Variants in EMB observed in about 807,000 individuals in gnomAD.
The protein encoded by EMB is embigin.
A neutral mutation model predicts 41.4 loss-of-function variants in EMB; 31 were observed. The ratio of observed to expected loss-of-function variants is 0.75; its 90% confidence interval spans 0.56 to 1.01. EMB has a LOEUF of 1.01. EMB is among the 50% of genes least tolerant of loss of function. EMB has a pLI of 0.00. For missense variants in EMB, 379 were observed against 388.3 expected, an observed-to-expected ratio of 0.98 and a Z score of 0.20; for synonymous variants, 137 against 140.4, an observed-to-expected ratio of 0.98 and a Z score of 0.17.
chr5:50,423,781 AGGCCC>A (rs1745564893), intron 2 of EMB, among the ~76,000 whole-genome samples: 1 of 152,206 alleles, frequency 6.6e-6, no homozygotes, highest in Non-Finnish European at 1.5e-5. Context: ...TGTTGAGGAC[AGGCCC>A]ACGTCTTTAA....
At chr5:50,422,857 T>A (rs1005197137) in intron 2 of EMB, among the ~76,000 whole-genome samples, 1 of 152,156 alleles carries the variant, frequency 6.6e-6, no homozygotes. Context: ...AGGGGCCAAC[T>A]GTCAAGATGT....
At position 50,441,051 on chromosome 5, in the gene EMB, C is replaced by A. The variant is rs767903806; in HGVS notation, c.101G>T (p.Gly34Val). The A allele has an allele frequency of 3.7e-5, 56 of 1,508,754 alleles. No individual in the cohort carries two copies. Among genetic ancestry groups the A allele is most frequent in the Non-Finnish European group, 5.0e-5 (56 of 1,129,024 alleles). The allele number at this position is 1,508,754 out of a possible 1,614,324, so 93.5% of individuals were successfully genotyped here. A position where few individuals can be genotyped will look rare whatever the true frequency, so the allele number is the denominator to read the frequency against. ...TGTACCCATCACACCTGGGGCACTGCCGTCCGCCGAGCTTGGGCGCGCGGC... is the reference window on the plus strand; with the variant it reads ...TGTACCCATCACACCTGGGGCACTGACGTCCGCCGAGCTTGGGCGCGCGGC... ...LAAARPSSADGSAPDSPFTSP... is the reference protein window; with the variant it reads ...LAAARPSSADVSAPDSPFTSP... Residue 34 changes from glycine (G) to valine (V), a missense_variant, in exon 1 of 9, where the codon GGC (glycine) becomes GTC (valine). Transcript: ENST00000303221.
intron 1 of EMB, among the ~76,000 whole-genome samples, chr5:50,440,185 G>A (rs114399247): frequency 0.01 from 1,563 of 152,202 alleles, 30 homozygotes; most frequent in African/African-American, 0.036. Context: ...CCTGTAAGTT[G>A]TGGATCTTTG....
intron 2 of EMB, among the ~76,000 whole-genome samples, chr5:50,422,745 C>T (rs1745545134): frequency 6.6e-6 from 1 of 152,112 alleles, no homozygotes; most frequent in African/African-American, 2.4e-5. Context: ...AAAATATTCG[C>T]AACTTCTATA....
intron 2 of EMB, among the ~76,000 whole-genome samples, chr5:50,419,725 C>G (rs1745486981): frequency 6.6e-6 from 1 of 152,142 alleles, no homozygotes; most frequent in Non-Finnish European, 1.5e-5. Flanking sequence ...GTGACACATG[C>G]ACACGTATGT....
Position 50,428,124 on chromosome 5 carries a change from T to C in EMB, c.196+20A>G. 6.5e-7 allele frequency: 1 copy of C among 1,547,124 alleles called. No homozygotes were observed. The highest frequency in any genetic ancestry group is 8.8e-7 in the Non-Finnish European group (1 of 1,130,854). ...AACCCTTTTTTTCGAATTGCATTAT[T>C]TGAAACATGATACATTTACCAGTCA... On this transcript the variant is annotated intron_variant, in intron 2 of 8. Transcript: ENST00000303221.
chr5:50,414,887 G>GC (rs1745403907), intron 2 of EMB, among the ~76,000 whole-genome samples: 1 of 152,082 alleles, frequency 6.6e-6, no homozygotes, highest in Non-Finnish European at 1.5e-5. Flanking sequence ...AAATGTTGGT[G>GC]CCCATCAGGA....
At chr5:50,421,565 C>A (rs1259082348) in intron 2 of EMB, among the ~76,000 whole-genome samples, 3 of 152,016 alleles carry the variant, frequency 2.0e-5, no homozygotes, top group African/African-American at 4.8e-5. Flanking sequence ...AAAGGATTAT[C>A]AATCATGCTT....
rs1191029952 is a variant in EMB at position 50,409,229 on chromosome 5, A to C, written c.472+1648T>G. The stretch of plus-strand genomic sequence containing the variant: ...TGCAATTCAATGTATTGGTATGTTG[A>C]AAAGTAAAATGCTTGTTAATCTTCA... On this transcript the variant is annotated intron_variant, in intron 4 of 8. Coordinates refer to ENST00000303221, the MANE Select transcript of EMB (RefSeq NM_198449.3). Among the ~76,000 whole-genome samples the C allele has an allele frequency of 2.0e-5, 3 of 152,108 alleles. No individual in the cohort carries two copies. In the East Asian group the frequency reaches 5.8e-4, roughly 29 times the overall value.
chr5:50,424,501 T>C (rs528853261), intron 2 of EMB, among the ~76,000 whole-genome samples: 1 of 152,138 alleles, frequency 6.6e-6, no homozygotes, highest in Admixed American at 6.5e-5. Context: ...ACTTACAGAG[T>C]GTGAGGTCCT....
At chr5:50,420,914 T>A (rs1315770657) in intron 2 of EMB, among the ~76,000 whole-genome samples, 1 of 152,190 alleles carries the variant, frequency 6.6e-6, no homozygotes, top group Non-Finnish European at 1.5e-5. Context: ...GCATAAGAAG[T>A]TCTTGTCTCA....
At chr5:50,416,631 AC>A (rs1745435401) in intron 2 of EMB, among the ~76,000 whole-genome samples, 1 of 152,156 alleles carries the variant, frequency 6.6e-6, no homozygotes, top group Non-Finnish European at 1.5e-5. Context: ...GACATATACG[AC>A]GGATTCGATG....
intron 2 of EMB, among the ~76,000 whole-genome samples, chr5:50,419,431 T>C (rs1745479761): frequency 1.3e-5 from 2 of 152,130 alleles, no homozygotes; most frequent in Non-Finnish European, 2.9e-5. Context: ...ACAAGAACCA[T>C]TTAAATTTTG....
intron 6 of EMB, 124 bp from the exon 7 acceptor site, chr5:50,402,443 G>T: frequency 1.2e-6 from 1 of 855,768 alleles, no homozygotes; most frequent in East Asian, 2.6e-5. Flanking sequence ...TTGGAATGAA[G>T]GAGAGACATG....
At chr5:50,421,178 G>C (rs1434511742) in intron 2 of EMB, among the ~76,000 whole-genome samples, 1 of 152,098 alleles carries the variant, frequency 6.6e-6, no homozygotes, top group Non-Finnish European at 1.5e-5. Flanking sequence ...CAAATTCCAA[G>C]AGTATTTTTT....
chr5:50,436,107 A>C (rs1398191533), intron 1 of EMB, among the ~76,000 whole-genome samples: 1 of 152,182 alleles, frequency 6.6e-6, no homozygotes, highest in Non-Finnish European at 1.5e-5. Flanking sequence ...TCACTACTGG[A>C]AATCACTGCT....
rs571279298 is a variant in EMB, at chr5:50,406,311, G to C, written c.473-459C>G. Among the ~76,000 whole-genome samples, 99 of 151,904 alleles carry C rather than the reference G, an allele frequency of 6.5e-4. 1 individual carries two copies. The highest frequency in any genetic ancestry group is 2.2e-3 in the African/African-American group (92 of 41,508). On this transcript the variant is annotated intron_variant, in intron 4 of 8. Transcript: ENST00000303221. ...TACTAATTTATGAAAAGCCAGCAAA[G>C]AGTTAGAGAAGGTGGGAACAAGGAA... is the stretch of plus-strand genomic sequence containing the variant.
chr5:50,404,284 C>CA (rs1403502203), intron 5 of EMB, among the ~76,000 whole-genome samples: 4 of 151,572 alleles, frequency 2.6e-5, no homozygotes, highest in Admixed American at 6.6e-5. Context: ...ATTATTCGTG[C>CA]AAAAAAAATT....
intron 1 of EMB, among the ~76,000 whole-genome samples, chr5:50,435,168 C>G (rs1452436832): frequency 6.6e-6 from 1 of 152,260 alleles, no homozygotes; most frequent in African/African-American, 2.4e-5. Flanking sequence ...GTAGCAGAAA[C>G]ATTTCAAGAA....
Sources: allele counts gnomAD v4.1 joint callset (sites outside exome capture counted in the v4.1 genomes callset), GRCh38; gene constraint gnomAD v4.1.1; transcripts MANE v1.5; gene names NCBI Gene and HGNC (gene_info 2026-07-23, HGNC 2026-07-21).